Variants in ADGRL3 observed in about 807,000 individuals in gnomAD.
ADGRL3 encodes the protein calcium-independent alpha-latrotoxin receptor 3.
Under a neutral mutation model 153.5 loss-of-function variants are expected in ADGRL3, and 62 were observed. That is an observed-to-expected ratio of 0.40 (90% confidence interval 0.33 to 0.50). ADGRL3 has a LOEUF of 0.50. ADGRL3 is among the 20% of genes least tolerant of loss of function. ADGRL3 has a pLI of 0.47. For missense variants in ADGRL3, 1,641 were observed against 1,859.4 expected, an observed-to-expected ratio of 0.88 and a Z score of 2.16; for synonymous variants, 710 against 672.5, an observed-to-expected ratio of 1.06 and a Z score of -0.86.
intron 1 of ADGRL3, among the ~76,000 whole-genome samples, chr4:61,332,916 G>A (rs901351039): frequency 6.6e-6 from 1 of 152,134 alleles, no homozygotes; most frequent in African/African-American, 2.4e-5. Context: ...CATGGTGAAA[G>A]AATCCGTATT....
At chr4:61,757,217 C>G (rs2096845542) in intron 8 of ADGRL3, among the ~76,000 whole-genome samples, 1 of 152,148 alleles carries the variant, frequency 6.6e-6, no homozygotes, top group Non-Finnish European at 1.5e-5. Context: ...CCTTGTTCCT[C>G]TGGTAGAATT....
At chr4:61,902,859 T>G (rs1227512837) in intron 11 of ADGRL3, among the ~76,000 whole-genome samples, 1 of 152,198 alleles carries the variant, frequency 6.6e-6, no homozygotes, top group Non-Finnish European at 1.5e-5. Flanking sequence ...AAAATTAAAA[T>G]TATATATTTG....
At chr4:61,524,751 T>G (rs1323921148) in intron 4 of ADGRL3, among the ~76,000 whole-genome samples, 1 of 152,112 alleles carries the variant, frequency 6.6e-6, no homozygotes, top group African/African-American at 2.4e-5. Flanking sequence ...CTGCTGTTTA[T>G]CCCTTTTTTT....
chr4:61,660,292 T>A (rs2094558193), intron 5 of ADGRL3, among the ~76,000 whole-genome samples: 1 of 152,196 alleles, frequency 6.6e-6, no homozygotes, highest in African/African-American at 2.4e-5. Context: ...TCTGTCACAG[T>A]CCCTATTGTT....
intron 1 of ADGRL3, among the ~76,000 whole-genome samples, chr4:61,235,908 A>G (rs1752600827): frequency 1.3e-5 from 2 of 151,478 alleles, no homozygotes; most frequent in African/African-American, 4.8e-5. Context: ...CATTCCATTT[A>G]TGTATATCAG....
intron 1 of ADGRL3, among the ~76,000 whole-genome samples, chr4:61,221,204 A>G (rs1169925205): frequency 2.0e-5 from 3 of 152,214 alleles, no homozygotes; most frequent in Non-Finnish European, 4.4e-5. Flanking sequence ...CTATAATTAA[A>G]TAACATTTAG....
chr4:61,440,251 T>C (rs986205769), intron 2 of ADGRL3, among the ~76,000 whole-genome samples: 18 of 152,112 alleles, frequency 1.2e-4, no homozygotes, highest in Non-Finnish European at 2.2e-4. Context: ...GTTTCGCCAA[T>C]GTTGGTCAGG....
chr4:61,926,195 T>G (rs565250936), intron 13 of ADGRL3, among the ~76,000 whole-genome samples: 8 of 152,306 alleles, frequency 5.3e-5, no homozygotes, highest in African/African-American at 1.9e-4. Flanking sequence ...TCCATTTTAA[T>G]TTTATGGGAC....
intron 4 of ADGRL3, among the ~76,000 whole-genome samples, chr4:61,525,622 A>G (rs545766476): frequency 6.6e-6 from 1 of 152,154 alleles, no homozygotes; most frequent in Non-Finnish European, 1.5e-5. Flanking sequence ...GGTTATTGCC[A>G]TAGGGCAGAA....
At chr4:61,841,142 C>T (rs1350594023) in intron 9 of ADGRL3, among the ~76,000 whole-genome samples, 3 of 152,124 alleles carry the variant, frequency 2.0e-5, no homozygotes, top group Admixed American at 2.0e-4. Flanking sequence ...CGTCTCTTGC[C>T]ATCCCTACTC....
chr4:61,544,336 C>T (rs942491049), intron 4 of ADGRL3, among the ~76,000 whole-genome samples: 1 of 152,126 alleles, frequency 6.6e-6, no homozygotes, highest in Non-Finnish European at 1.5e-5. Flanking sequence ...AGAGAATGAA[C>T]TTTTCTTCAG....
At chr4:61,377,850 G>T (rs1560543316) in intron 1 of ADGRL3, among the ~76,000 whole-genome samples, 1 of 151,784 alleles carries the variant, frequency 6.6e-6, no homozygotes. Context: ...TTGCCTTTGA[G>T]TACTGCTTTC....
chr4:61,276,076 C>A (rs1283030275), intron 1 of ADGRL3, among the ~76,000 whole-genome samples: 1 of 152,026 alleles, frequency 6.6e-6, no homozygotes, highest in Non-Finnish European at 1.5e-5. Flanking sequence ...AGAGTAAGTA[C>A]CTAGGTGCAA....
At chr4:62,039,435 A>T (rs962360177) in intron 24 of ADGRL3, among the ~76,000 whole-genome samples, 3 of 152,222 alleles carry the variant, frequency 2.0e-5, no homozygotes, top group Non-Finnish European at 4.4e-5. Context: ...TTTAAAAACT[A>T]ACATATAACT....
chr4:61,966,083 TAATA>T (rs1281708085), intron 17 of ADGRL3, among the ~76,000 whole-genome samples: 1 of 152,206 alleles, frequency 6.6e-6, no homozygotes, highest in Non-Finnish European at 1.5e-5. Flanking sequence ...AAAGATAGTC[TAATA>T]AATATTCTTT....
At chr4:61,856,625 T>TC (rs1168585595) in intron 9 of ADGRL3, among the ~76,000 whole-genome samples, 1 of 125,864 alleles carries the variant, frequency 7.9e-6, no homozygotes, top group African/African-American at 3.1e-5. Flanking sequence ...TTTTTTTTTT[T>TC]TTTTTTTTGC....
chr4:61,250,699 T>C (rs1218312928), intron 1 of ADGRL3, among the ~76,000 whole-genome samples: 1 of 152,210 alleles, frequency 6.6e-6, no homozygotes, highest in Non-Finnish European at 1.5e-5. Flanking sequence ...AAGAACTGCA[T>C]ATTTTTTATC....
chr4:61,524,675 A>G (rs1306652441), intron 4 of ADGRL3, among the ~76,000 whole-genome samples: 1 of 152,070 alleles, frequency 6.6e-6, no homozygotes, highest in Non-Finnish European at 1.5e-5. Context: ...ATAAAAATGC[A>G]TATATTGTAG....
chr4:61,614,031 A>AT (rs1010001685), intron 5 of ADGRL3, among the ~76,000 whole-genome samples: 8 of 152,044 alleles, frequency 5.3e-5, no homozygotes, highest in Non-Finnish European at 7.4e-5. Flanking sequence ...CTCCACGTTT[A>AT]TTTTTTTTAA....
Sources: gnomAD v4.1 joint callset for allele counts (sites outside exome capture counted in the v4.1 genomes callset) on GRCh38, gnomAD v4.1.1 for gene constraint, MANE v1.5 for transcripts, NCBI Gene and HGNC (gene_info 2026-07-23, HGNC 2026-07-21) for gene names.